ALLC: variants seen among roughly 807,000 people sequenced by gnomAD.
ALLC encodes allantoicase.
A neutral mutation model predicts 45.0 loss-of-function variants in ALLC; 40 were observed. The ratio of observed to expected loss-of-function variants is 0.89; its 90% CI spans 0.69 to 1.16. The LOEUF is 1.16. Among genes scored for constraint, ALLC ranks in the 50% most tolerant of loss-of-function variants. The probability of loss-of-function intolerance (pLI) is 0.00; values close to 1 mark genes in which losing one functional copy is unlikely to be tolerated. For missense variants in ALLC, 488 were observed against 493.1 expected (o/e 0.99, Z 0.10); for synonymous variants, 176 against 178.1 (o/e 0.99, Z 0.09).
chr2:3,697,677 T>G (rs1223422081), intron 10 of ALLC, among the ~76,000 whole-genome samples: 1 of 149,438 alleles, frequency 6.7e-6, no homozygotes, highest in Non-Finnish European at 1.5e-5. Flanking sequence ...CTTTTATTTA[T>G]TTTTTTGAGA....
At chr2:3,700,038 A>G (rs760364878) in intron 10 of ALLC, among the ~76,000 whole-genome samples, 9 of 152,012 alleles carry the variant, frequency 5.9e-5, no homozygotes, top group Non-Finnish European at 1.0e-4. Flanking sequence ...TTTTGTTGCA[A>G]TTGTTTTTGG....
chr2:3,699,247 A>T lies in ALLC; in HGVS notation c.850+1791A>T, dbSNP rs545736382. On this transcript the variant is annotated intron_variant, in intron 10 of 11. Transcript: ENST00000252505. ...TTATTTAGCTGCCACTTATGTAAAC[A>T]TATAGTATTTGGTTTTCTGTTCCTG... Among the ~76,000 whole-genome samples the T allele has an allele frequency of 1.3e-5, 2 of 152,294 alleles. 1 individual carries two copies. Among genetic ancestry groups the T allele is most frequent in the East Asian group, 3.9e-4 (2 of 5,188 alleles).
At chr2:3,693,922 A>G (rs1355290309) in intron 7 of ALLC, among the ~76,000 whole-genome samples, 4 of 152,172 alleles carry the variant, frequency 2.6e-5, no homozygotes, top group Non-Finnish European at 5.9e-5. Context: ...CGGGAGGCGG[A>G]GGTTGCAGTG....
chr2:3,689,947 C>CT (rs36098107), intron 7 of ALLC, among the ~76,000 whole-genome samples: 61,003 of 137,662 alleles, frequency 0.44, 14,634 homozygotes, highest in African/African-American at 0.59. Context: ...AGTGTCTTGT[C>CT]TTTTTTTTTT....
intron 7 of ALLC, among the ~76,000 whole-genome samples, chr2:3,686,561 C>G (rs541133566): frequency 6.6e-6 from 1 of 151,110 alleles, no homozygotes; most frequent in South Asian, 2.1e-4. Context: ...TTAATTCTTT[C>G]AATCTAGGAG....
At chr2:3,664,372 G>A (rs538795663) in intron 1 of ALLC, among the ~76,000 whole-genome samples, 37 of 152,226 alleles carry the variant, frequency 2.4e-4, no homozygotes, top group African/African-American at 8.4e-4. Flanking sequence ...TGAGTAGCAG[G>A]GTCTTAACTA....
At chr2:3,701,271 T>A (rs940838309) in intron 10 of ALLC, among the ~76,000 whole-genome samples, 2 of 152,138 alleles carry the variant, frequency 1.3e-5, no homozygotes, top group African/African-American at 4.8e-5. Context: ...GCCAGCCCCT[T>A]CACATATGGC....
chr2:3,652,921 A>G, the ALLC span, among the ~76,000 whole-genome samples: 1 of 152,160 alleles, frequency 6.6e-6, no homozygotes, highest in Non-Finnish European at 1.5e-5. Flanking sequence ...CCATTTAACC[A>G]TTAATCTTAA....
chr2:3,668,235 G>C lies in ALLC; in HGVS notation c.-62-2861G>C, dbSNP rs1410992616. ...TGATTGTCAGGCAAAAGCTTGGAGG[G>C]AGGCAAGGAGCAAACACACAGCTGT... On this transcript the variant is annotated intron_variant, in intron 1 of 11. Coordinates refer to ENST00000252505, the MANE Select transcript of ALLC (RefSeq NM_018436.4). 4.6e-5 allele frequency among the ~76,000 whole-genome samples: 7 copies of C among 152,168 alleles called. No homozygotes were observed. The East Asian group carries it at 1.2e-3, about 25-fold the overall frequency.
chr2:3,702,288 G>C, intron 11 of ALLC, 75 bp from the exon 12 acceptor site: 1 of 1,329,970 alleles, frequency 7.5e-7, no homozygotes, highest in South Asian at 1.4e-5. Flanking sequence ...CCAAAGGTTT[G>C]CCCGGGCCGT....
rs146220557 is a variant in ALLC, at chr2:3,701,656, C to T, written c.975+20C>T. 29 of 1,606,108 alleles carry T rather than the reference C, an allele frequency of 1.8e-5. No individual in the cohort carries two copies. In the East Asian group the frequency reaches 4.0e-4, roughly 22 times the overall value. ...ACCAAGGTTCGTGTGGCATGTTATT[C>T]GGATCCAGCACTCAGACTGTGCTAT... On this transcript the variant is annotated intron_variant, in intron 11 of 11. Transcript: ENST00000252505.
At chr2:3,685,373 C>A (rs1452659112) in intron 7 of ALLC, among the ~76,000 whole-genome samples, 1 of 150,632 alleles carries the variant, frequency 6.6e-6, no homozygotes, top group Non-Finnish European at 1.5e-5. Context: ...AGGAAACTTA[C>A]AATCATGGCA....
intron 1 of ALLC, among the ~76,000 whole-genome samples, chr2:3,670,548 A>ATCTCCCTCGCTGGCCCCGTC (rs1666837661): frequency 6.6e-6 from 1 of 151,678 alleles, no homozygotes; most frequent in Non-Finnish European, 1.5e-5. Flanking sequence ...ATGGCCCCGA[A>ATCTCCCTCGCTGGCCCCGTC]TCTCCCTCGC....
chr2:3,650,519 C>G, the ALLC span, among the ~76,000 whole-genome samples: 3 of 151,652 alleles, frequency 2.0e-5, no homozygotes, highest in African/African-American at 7.3e-5. Context: ...AGCTGCAGCT[C>G]CAGCCCCAGC....
At chr2:3,659,568 T>G (rs1212663121) in intron 1 of ALLC, among the ~76,000 whole-genome samples, 1 of 152,220 alleles carries the variant, frequency 6.6e-6, no homozygotes, top group Non-Finnish European at 1.5e-5. Context: ...CCACAGGCTG[T>G]CTGAGCACTG....
At chr2:3,681,850 C>G (rs145901412) in intron 6 of ALLC, 137 bp downstream of exon 6, 5 of 646,400 alleles carry the variant, frequency 7.7e-6, no homozygotes, top group African/African-American at 7.4e-5. Context: ...TGCTTACCCA[C>G]TGTGGCCTTG....
At chr2:3,678,639 T>C (rs1041892650) in intron 4 of ALLC, 84 bp downstream of exon 4, 11 of 1,117,684 alleles carry the variant, frequency 9.8e-6, no homozygotes, top group Non-Finnish European at 1.5e-5. Flanking sequence ...GTGTCCGTTT[T>C]GGGTCAGCTT....
At chr2:3,651,862 C>G in the ALLC span, among the ~76,000 whole-genome samples, 3 of 152,156 alleles carry the variant, frequency 2.0e-5, no homozygotes, top group Admixed American at 6.5e-5. Flanking sequence ...TGCTCTCGCG[C>G]TCTGCCCACG....
At chr2:3,682,871 A>C (rs1667230428) in intron 6 of ALLC, 71 bp from the exon 7 acceptor site, 1 of 1,512,372 alleles carries the variant, frequency 6.6e-7, no homozygotes, top group Admixed American at 1.8e-5. Context: ...CTTAAGTGCC[A>C]CAGAGGCAAT....
Sources: gnomAD v4.1 joint callset for allele counts (sites outside exome capture counted in the v4.1 genomes callset) on GRCh38, gnomAD v4.1.1 for gene constraint, MANE v1.5 for transcripts, NCBI Gene and HGNC (gene_info 2026-07-23, HGNC 2026-07-21) for gene names.